The following UNC13C variants were observed in gnomAD, a reference collection of about 807,000 sequenced individuals.
UNC13C encodes the protein protein unc-13 homolog C.
UNC13C carries 174 observed loss-of-function variants against 245.4 expected under a neutral mutation model. The observed-to-expected ratio is 0.71, with a 90% CI of 0.63 to 0.80. The LOEUF is 0.80. Among genes scored for constraint, UNC13C ranks in the 30% least tolerant of loss-of-function variants. The probability of loss-of-function intolerance (pLI) is 0.00; values close to 1 mark genes in which losing one functional copy is unlikely to be tolerated. For synonymous variants in UNC13C, 992 were observed against 895.1 expected, an observed-to-expected ratio of 1.11 and a Z score of -1.93; for missense variants, 2,829 against 2,602.9, an observed-to-expected ratio of 1.09 and a Z score of -1.89.
chr15:54,110,066 CCAG>C (rs1900688070), intron 2 of UNC13C, among the ~76,000 whole-genome samples: 1 of 151,974 alleles, frequency 6.6e-6, no homozygotes, highest in African/African-American at 2.4e-5. Context: ...TCACTTGAGG[CCAG>C]GAGTTTAAGA....
At position 54,501,327 on chromosome 15, in the gene UNC13C, A is replaced by G. The variant is rs561083883; in HGVS notation, c.5301+349A>G. 4.6e-5 allele frequency among the ~76,000 whole-genome samples: 7 copies of G among 152,312 alleles called. No individual in the cohort carries two copies. In the South Asian group the frequency reaches 1.4e-3, roughly 32 times the overall value. ...CATTCAAATTGCCAAGTGTTTTAGCAGACATTGTAGTATAGTGCAATGTAT... is the reference window on the plus strand; with the variant it reads ...CATTCAAATTGCCAAGTGTTTTAGCGGACATTGTAGTATAGTGCAATGTAT... On this transcript the variant is annotated intron_variant, in intron 22 of 32. Transcript: ENST00000260323.
chr15:53,930,162 C>A, the UNC13C span, among the ~76,000 whole-genome samples: 19,758 of 152,104 alleles, frequency 0.13, 1,617 homozygotes, highest in East Asian at 0.32. Context: ...GATTTCTCCT[C>A]CAGAGTTTCA....
chr15:54,349,505 C>G (rs1567206322), intron 17 of UNC13C, among the ~76,000 whole-genome samples: 1 of 151,826 alleles, frequency 6.6e-6, no homozygotes. Context: ...AAAATTATAA[C>G]CTCACGTTGT....
At chr15:54,596,928 C>A (rs1055332879) in intron 30 of UNC13C, among the ~76,000 whole-genome samples, 1 of 152,138 alleles carries the variant, frequency 6.6e-6, no homozygotes, top group African/African-American at 2.4e-5. Context: ...GCCAAATAAA[C>A]CTCTTTTCTT....
At chr15:54,103,542 G>A (rs1900274295) in intron 2 of UNC13C, among the ~76,000 whole-genome samples, 1 of 152,116 alleles carries the variant, frequency 6.6e-6, no homozygotes, top group African/African-American at 2.4e-5. Context: ...AAATATTTTT[G>A]TCAGTGCAAA....
At chr15:54,349,848 G>T (rs1214348526) in intron 17 of UNC13C, among the ~76,000 whole-genome samples, 2 of 152,180 alleles carry the variant, frequency 1.3e-5, no homozygotes, top group Non-Finnish European at 2.9e-5. Flanking sequence ...ATAAAATGTA[G>T]TGGGTACATA....
At chr15:54,544,942 A>C (rs1040171399) in intron 26 of UNC13C, among the ~76,000 whole-genome samples, 52 of 152,224 alleles carry the variant, frequency 3.4e-4, no homozygotes, top group Non-Finnish European at 7.3e-4. Flanking sequence ...AATTGGAAAA[A>C]ACTACTTTAA....
chr15:54,631,198 T>G (rs1365896802), downstream of UNC13C: 2 of 151,990 alleles, frequency 1.3e-5, no homozygotes, highest in African/African-American at 4.8e-5. Flanking sequence ...AATACAAAAA[T>G]GAGTCAGGCC....
At chr15:54,282,516 G>C (rs192872632) in intron 10 of UNC13C, among the ~76,000 whole-genome samples, 1 of 152,248 alleles carries the variant, frequency 6.6e-6, no homozygotes, top group African/African-American at 2.4e-5. Context: ...ACATGGCACT[G>C]CCCAGGTGAG....
chr15:54,405,566 A>C (rs1174152184), intron 18 of UNC13C, among the ~76,000 whole-genome samples: 1 of 152,182 alleles, frequency 6.6e-6, no homozygotes, highest in Non-Finnish European at 1.5e-5. Flanking sequence ...TTACATATTT[A>C]CAAGTCTACA....
intron 17 of UNC13C, among the ~76,000 whole-genome samples, chr15:54,379,821 C>G (rs1449622952): frequency 6.6e-6 from 1 of 151,998 alleles, no homozygotes; most frequent in Non-Finnish European, 1.5e-5. Flanking sequence ...ACACTTTGCT[C>G]AGGTATTTTT....
chr15:54,027,354 T>A, intron 2 of UNC13C, among the ~76,000 whole-genome samples: 1 of 152,108 alleles, frequency 6.6e-6, no homozygotes, highest in African/African-American at 2.4e-5. Context: ...AAACAAGATA[T>A]CCTGTTGAAC....
At chr15:54,151,765 A>G (rs1383539303) in intron 4 of UNC13C, among the ~76,000 whole-genome samples, 1 of 152,128 alleles carries the variant, frequency 6.6e-6, no homozygotes, top group Non-Finnish European at 1.5e-5. Flanking sequence ...TACTTTGGGG[A>G]AGGAAATCAG....
chr15:54,552,469 A>ATT (rs1295642113), intron 28 of UNC13C, among the ~76,000 whole-genome samples: 2 of 2,546 alleles, frequency 7.9e-4, no homozygotes, highest in Admixed American at 5.9e-3. Context: ...TATATATTAC[A>ATT]ATATATAATA....
Position 54,313,381 on chromosome 15 carries a change from A to G in UNC13C, c.4269-8558A>G, listed in dbSNP as rs192528429. ...ATATTACTTTAATTTGTTTTAATTA[A>G]GTAATGTTTCTTGGTCAATTAGTAT... is the stretch of plus-strand genomic sequence containing the variant. On this transcript the variant is annotated intron_variant, in intron 13 of 32. Transcript: ENST00000260323. 7.9e-5 allele frequency among the ~76,000 whole-genome samples: 12 copies of G among 151,980 alleles called. No homozygotes were observed. The East Asian group carries it at 2.3e-3, about 30-fold the overall frequency.
the UNC13C span, among the ~76,000 whole-genome samples, chr15:53,865,880 A>G: frequency 1.3e-5 from 2 of 152,174 alleles, no homozygotes; most frequent in Non-Finnish European, 2.9e-5. Context: ...ATTCACATAC[A>G]AAAAATTGAT....
Position 54,128,975 on chromosome 15 carries a change from C to T in UNC13C, c.2984-14043C>T, listed in dbSNP as rs148834819. ...CTGATTCCACATTCCTCCTCTAACACCATTCCAGTGAGGAAGAAAGGGGCA... is the reference window on the plus strand; with the variant it reads ...CTGATTCCACATTCCTCCTCTAACATCATTCCAGTGAGGAAGAAAGGGGCA... On this transcript the variant is annotated intron_variant, in intron 2 of 32. Transcript: ENST00000260323. Among the ~76,000 whole-genome samples the T allele has an allele frequency of 5.1e-3, 777 of 152,302 alleles. 5 individuals are homozygous for T. Among genetic ancestry groups the T allele is most frequent in the Non-Finnish European group, 7.6e-3 (518 of 68,012 alleles).
rs1028437619 is a variant in UNC13C, at chr15:54,540,769, C to T, written c.5697-5953C>T. Among the ~76,000 whole-genome samples the T allele has an allele frequency of 2.0e-5, 3 of 152,062 alleles. No homozygotes were observed. In the East Asian group the frequency reaches 5.8e-4, roughly 29 times the overall value. ...TAAAAGAAATCCTACGAGCTGCGCA[C>T]GTGACAATGATTTTATTCCTATTTT... On this transcript the variant is annotated intron_variant, in intron 26 of 32. Coordinates refer to ENST00000260323, the MANE Select transcript of UNC13C (RefSeq NM_001080534.3).
At chr15:54,399,854 G>A (rs2040146394) in intron 18 of UNC13C, among the ~76,000 whole-genome samples, 1 of 151,778 alleles carries the variant, frequency 6.6e-6, no homozygotes, top group Non-Finnish European at 1.5e-5. Flanking sequence ...TTTCTGTTTT[G>A]GAAATAATGT....
Sources: gnomAD v4.1 joint callset for allele counts (sites outside exome capture counted in the v4.1 genomes callset) on GRCh38, gnomAD v4.1.1 for gene constraint, MANE v1.5 for transcripts, NCBI Gene and HGNC (gene_info 2026-07-23, HGNC 2026-07-21) for gene names.